The following ELMO2 variants were observed in gnomAD, a reference collection of about 807,000 sequenced individuals.
The protein encoded by ELMO2 is engulfment and cell motility 2, also known as engulfment and cell motility protein 2.
A neutral mutation model predicts 96.2 loss-of-function variants in ELMO2; 37 were observed. The observed-to-expected ratio is 0.38, with a 90% confidence interval of 0.30 to 0.51. The LOEUF (loss-of-function observed/expected upper bound fraction) is 0.51, where lower values mean the gene tolerates loss of function less well. Ranked by LOEUF, ELMO2 falls within the 20% of genes least tolerant of loss-of-function variation. ELMO2 has a pLI of 0.88. For missense variants in ELMO2, 561 were observed against 912.6 expected (o/e 0.61, Z 4.96); for synonymous variants, 315 against 329.4 (o/e 0.96, Z 0.47).
intron 2 of ELMO2, among the ~76,000 whole-genome samples, chr20:46,397,786 C>T (rs1432604193): frequency 1.3e-5 from 2 of 152,104 alleles, no homozygotes; most frequent in East Asian, 1.9e-4. Context: ...AATACCATGG[C>T]AAGCCAAAGA....
chr20:46,383,683 A>T (rs1023282979), intron 9 of ELMO2, among the ~76,000 whole-genome samples, 189 bp from the exon 10 acceptor site: 9 of 152,256 alleles, frequency 5.9e-5, no homozygotes, highest in African/African-American at 2.2e-4. Flanking sequence ...ATCCTAAGAC[A>T]GTAATCAGAG....
At position 46,387,451 on chromosome 20, in the gene ELMO2, A is replaced by G; in HGVS notation, c.426-14T>C. The G allele has an allele frequency of 6.2e-7, 1 of 1,601,786 alleles. No homozygotes were observed. The highest frequency in any genetic ancestry group is 8.6e-7 in the Non-Finnish European group (1 of 1,169,014). On this transcript the variant is annotated splice_polypyrimidine_tract_variant and intron_variant, in intron 7 of 21. Coordinates refer to ENST00000290246, the MANE Select transcript of ELMO2 (RefSeq NM_133171.5). ...ATCTCACTGTAGCTGAGACACGTGC[A>G]ACACACACACAAAATAGACAAAGAT...
Position 46,374,554 on chromosome 20 carries a change from G to A in ELMO2, c.1152C>T (p.His384=). 6.2e-7 allele frequency: 1 copy of A among 1,614,188 alleles called. No individual in the cohort carries two copies. Among genetic ancestry groups the A allele is most frequent in the South Asian group, 1.1e-5 (1 of 91,078 alleles). Residue 384 remains histidine, a synonymous_variant, in exon 14 of 22, where the codon CAC becomes CAT. Coordinates refer to ENST00000290246, the MANE Select transcript of ELMO2 (RefSeq NM_133171.5). ...CCTTTACCCGGATGTAGGTGTCCTGGTGGACTTTAGCCAAGTACAGCATGT... is the reference window on the plus strand; with the variant it reads ...CCTTTACCCGGATGTAGGTGTCCTGATGGACTTTAGCCAAGTACAGCATGT... ...LDNMLYLAKV[H]QDTYIRIVLE...
chr20:46,373,682 C>T, intron 15 of ELMO2, 147 bp from the exon 16 acceptor site: 2 of 1,004,796 alleles, frequency 2.0e-6, no homozygotes, highest in Non-Finnish European at 2.9e-6. Context: ...GGGCGTTTCT[C>T]ACGTCCTTAG....
intron 10 of ELMO2, 91 bp from the exon 11 acceptor site, chr20:46,380,394 C>A (rs2059934925): frequency 1.8e-6 from 2 of 1,099,956 alleles, no homozygotes; most frequent in Admixed American, 2.2e-5. Context: ...AATTCTGGGC[C>A]TTTTTTGCTT....
intron 1 of ELMO2, among the ~76,000 whole-genome samples, chr20:46,398,990 C>A (rs1293948277): frequency 2.0e-5 from 3 of 152,130 alleles, no homozygotes; most frequent in Admixed American, 6.5e-5. Flanking sequence ...TTCATTTAAT[C>A]CACACAGCAA....
At chr20:46,396,336 G>A (rs924872867) in intron 2 of ELMO2, among the ~76,000 whole-genome samples, 5 of 152,254 alleles carry the variant, frequency 3.3e-5, no homozygotes, top group Admixed American at 6.5e-5. Flanking sequence ...AGGACTGCAC[G>A]GTTGTGAGGT....
rs1239729184 is a variant in ELMO2, at chr20:46,393,566, C to T, written c.155G>A (p.Arg52His). The change falls in exon 5 of 22, where the codon CGT (arginine) becomes CAT (histidine). Residue 52 changes from arginine (R) to histidine (H), a missense_variant. Arg to His is a conservative substitution (Grantham distance 29, BLOSUM62 0). Transcript: ENST00000290246. ...SLPNPEYYTL[R>H]YADGPQLYIT... Reference sequence around the variant, plus strand: ...GTACAGCTGAGGACCATCTGCATAACGGAGGGTATAATACTCTGGGTTTGG... The same window carrying T: ...GTACAGCTGAGGACCATCTGCATAATGGAGGGTATAATACTCTGGGTTTGG... 3.1e-6 allele frequency: 5 copies of T among 1,614,014 alleles called. No homozygotes were observed. The highest frequency in any genetic ancestry group is 4.2e-6 in the Non-Finnish European group (5 of 1,180,024).
intron 1 of ELMO2, among the ~76,000 whole-genome samples, chr20:46,404,972 T>C (rs1438733466): frequency 1.3e-5 from 2 of 152,206 alleles, no homozygotes; most frequent in Non-Finnish European, 2.9e-5. Flanking sequence ...GTCAGTTTCA[T>C]TCCCCTGCAG....
chr20:46,399,645 A>C (rs2060303662), intron 1 of ELMO2, among the ~76,000 whole-genome samples: 1 of 152,220 alleles, frequency 6.6e-6, no homozygotes, highest in Non-Finnish European at 1.5e-5. Context: ...CTCCTCCTCC[A>C]GAACAGGTAT....
intron 15 of ELMO2, among the ~76,000 whole-genome samples, chr20:46,373,927 C>CT (rs3091499): frequency 8.7e-5 from 11 of 126,512 alleles, no homozygotes; most frequent in African/African-American, 3.3e-4. Flanking sequence ...CCACTGACAT[C>CT]TTTTTTTTTT....
intron 1 of ELMO2, among the ~76,000 whole-genome samples, chr20:46,405,206 A>C (rs1303651161): frequency 2.6e-5 from 4 of 152,214 alleles, no homozygotes; most frequent in African/African-American, 9.6e-5. Flanking sequence ...GCAGTTGTGC[A>C]AGTGTTGTTA....
rs771043507 is a variant in ELMO2, at chr20:46,370,334, T to G, written c.1884+109A>C. 16 of 980,808 alleles carry G rather than the reference T, an allele frequency of 1.6e-5. No homozygotes were observed. In the Admixed American group the frequency reaches 2.7e-4, roughly 17 times the overall value. 60.8% of individuals were successfully genotyped at this position (980,808 alleles called of 1,614,324 possible). On this transcript the variant is annotated intron_variant, in intron 20 of 21. Transcript: ENST00000290246. ...ATGTTCAAAATTCTTAATAAAACAT[T>G]CAGGAATAGAGAGGGGAAGATGCCA...
chr20:46,368,738 T>C (rs1405621060), intron 21 of ELMO2, among the ~76,000 whole-genome samples, 153 bp downstream of exon 21: 1 of 152,204 alleles, frequency 6.6e-6, no homozygotes, highest in Non-Finnish European at 1.5e-5. Context: ...TCCCATCCTA[T>C]TGAAATGCCA....
chr20:46,370,369 C>G (rs761622300), intron 20 of ELMO2, 74 bp downstream of exon 20: 2 of 1,375,346 alleles, frequency 1.5e-6, no homozygotes, highest in Admixed American at 1.7e-5. Flanking sequence ...AAGAATGCAC[C>G]TGGAAAAAAC....
At position 46,387,486 on chromosome 20, in the gene ELMO2, G is replaced by A. The variant is rs768060152; in HGVS notation, c.426-49C>T. ...CAAAATAGACAAAGATTCAGATCGG[G>A]AAACACAGGTGTGAGGGCAGCCACA... is the stretch of plus-strand genomic sequence containing the variant. On this transcript the variant is annotated intron_variant, in intron 7 of 21. Transcript: ENST00000290246. The A allele has an allele frequency of 2.0e-6, 3 of 1,509,078 alleles. No individual in the cohort carries two copies. The African/African-American group carries it at 4.1e-5, about 21-fold the overall frequency. 93.5% of individuals were successfully genotyped at this position (1,509,078 alleles called of 1,614,324 possible).
At chr20:46,393,497 C>T (rs1173583270) in intron 5 of ELMO2, 32 bp downstream of exon 5, 3 of 1,608,346 alleles carry the variant, frequency 1.9e-6, no homozygotes, top group South Asian at 2.2e-5. Flanking sequence ...CCAAGCAAGG[C>T]CCATATTGAT....
intron 9 of ELMO2, among the ~76,000 whole-genome samples, chr20:46,385,516 A>T (rs1413521750): frequency 6.6e-6 from 1 of 152,202 alleles, no homozygotes; most frequent in African/African-American, 2.4e-5. Flanking sequence ...TATTCTAGAG[A>T]TGAAGAAACT....
chr20:46,374,518 C>A lies in ELMO2; in HGVS notation c.1170+18G>T. 8 of 1,613,602 alleles carry A rather than the reference C, an allele frequency of 5.0e-6. No homozygotes were observed. Among genetic ancestry groups the A allele is most frequent in the Non-Finnish European group, 5.9e-6 (7 of 1,179,522 alleles). On this transcript the variant is annotated intron_variant, in intron 14 of 21. Coordinates refer to ENST00000290246, the MANE Select transcript of ELMO2 (RefSeq NM_133171.5). ...GATGTGGCACCAGGACTGAGAAGGC[C>A]AGCTCCCCTGCCTTTACCCGGATGT... is the stretch of plus-strand genomic sequence containing the variant.
Sources: allele counts gnomAD v4.1 joint callset (sites outside exome capture counted in the v4.1 genomes callset), GRCh38; gene constraint gnomAD v4.1.1; transcripts MANE v1.5; gene names NCBI Gene and HGNC (gene_info 2026-07-23, HGNC 2026-07-21).